DLGAP1: variants seen among roughly 807,000 people sequenced by gnomAD.
The protein encoded by DLGAP1 is DLG associated protein 1, also known as disks large-associated protein 1.
In DLGAP1, 11 loss-of-function variants were observed where a neutral mutation model predicts 90.8. The observed-to-expected ratio is 0.12, with a 90% confidence interval of 0.08 to 0.20. DLGAP1 has a LOEUF of 0.20. DLGAP1 is among the 10% of genes least tolerant of loss of function. DLGAP1 has a pLI of 1.00. For synonymous variants in DLGAP1, 558 were observed against 540.7 expected, an observed-to-expected ratio of 1.03 and a Z score of -0.44; for missense variants, 1,050 against 1,333.8, an observed-to-expected ratio of 0.79 and a Z score of 3.31.
chr18:4,425,429 C>A (rs1004360437), intron 1 of DLGAP1, among the ~76,000 whole-genome samples: 11 of 152,232 alleles, frequency 7.2e-5, no homozygotes, highest in African/African-American at 2.6e-4. Flanking sequence ...CAGGGACTGG[C>A]GTAGTGGTAC....
At chr18:4,108,674 T>C (rs1160845499) in intron 2 of DLGAP1, among the ~76,000 whole-genome samples, 1 of 152,238 alleles carries the variant, frequency 6.6e-6, no homozygotes, top group Admixed American at 6.5e-5. Context: ...GATTTCATCA[T>C]GTGATATAAC....
chr18:4,008,910 CTCTT>C (rs768070134), intron 2 of DLGAP1, among the ~76,000 whole-genome samples: 8 of 151,414 alleles, frequency 5.3e-5, no homozygotes, highest in South Asian at 2.1e-4. Flanking sequence ...CCGAGTCTCT[CTCTT>C]TGTTTTTGAA....
At chr18:3,664,940 A>C (rs2059823973) in intron 7 of DLGAP1, among the ~76,000 whole-genome samples, 1 of 152,170 alleles carries the variant, frequency 6.6e-6, no homozygotes, top group South Asian at 2.1e-4. Context: ...GTTCTCAGCC[A>C]TTGTAACTGG....
intron 1 of DLGAP1, among the ~76,000 whole-genome samples, chr18:4,340,943 A>G (rs573999325): frequency 6.6e-6 from 1 of 152,294 alleles, no homozygotes; most frequent in African/African-American, 2.4e-5. Flanking sequence ...AAAATTATAT[A>G]AGGAAAATTC....
intron 1 of DLGAP1, among the ~76,000 whole-genome samples, chr18:4,364,624 C>G (rs1456892646): frequency 3.3e-5 from 5 of 151,880 alleles, no homozygotes; most frequent in Admixed American, 6.6e-5. Context: ...ATTTGTTGAT[C>G]TTTTGAATGG....
At chr18:4,306,460 T>TGAGA (rs1430698648) in intron 1 of DLGAP1, among the ~76,000 whole-genome samples, 3 of 51,502 alleles carry the variant, frequency 5.8e-5, no homozygotes, top group African/African-American at 2.1e-4. Flanking sequence ...TGTGTGTGTG[T>TGAGA]GTGAGAGAGA....
Position 3,711,854 on chromosome 18 carries a change from G to T in DLGAP1, c.1591+17281C>A, listed in dbSNP as rs1029923697. 5.3e-5 allele frequency among the ~76,000 whole-genome samples: 8 copies of T among 151,682 alleles called. No homozygotes were observed. The highest frequency in any genetic ancestry group is 2.1e-4 in the South Asian group (1 of 4,816). On this transcript the variant is annotated intron_variant, in intron 7 of 12. Coordinates refer to ENST00000315677, the MANE Select transcript of DLGAP1 (RefSeq NM_004746.4). The surrounding 1 kb of genome is among the most constrained non-coding windows in gnomAD (Gnocchi z 4.0). ...ACCTTGTCTCAAAAAGAAAGAAAAAGAAAAAAATAAAAAAAGGAAGACAGA... is the reference window on the plus strand; with the variant it reads ...ACCTTGTCTCAAAAAGAAAGAAAAATAAAAAAATAAAAAAAGGAAGACAGA...
chr18:3,870,523 T>C (rs1381284381), intron 4 of DLGAP1, among the ~76,000 whole-genome samples: 2 of 152,162 alleles, frequency 1.3e-5, no homozygotes, highest in African/African-American at 4.8e-5. Flanking sequence ...GTTGCTCCCA[T>C]TTAATATATT....
At chr18:3,750,988 C>G (rs953351293) in intron 5 of DLGAP1, among the ~76,000 whole-genome samples, 2 of 152,198 alleles carry the variant, frequency 1.3e-5, no homozygotes, top group African/African-American at 4.8e-5. Flanking sequence ...TTATACTTCT[C>G]TGTTACACAC....
At chr18:3,649,330 G>C (rs1260895788) in intron 7 of DLGAP1, among the ~76,000 whole-genome samples, 1 of 152,204 alleles carries the variant, frequency 6.6e-6, no homozygotes, top group Non-Finnish European at 1.5e-5. Context: ...AGATGCCACA[G>C]GTCCCAGAAA....
intron 3 of DLGAP1, chr18:3,983,287 G>C (rs2073775612): frequency 6.6e-6 from 1 of 152,086 alleles, no homozygotes; most frequent in Non-Finnish European, 1.5e-5. Context: ...AATTATGCCA[G>C]GTACTTATAT....
intron 2 of DLGAP1, among the ~76,000 whole-genome samples, chr18:4,031,210 T>C (rs185800724): frequency 3.7e-4 from 57 of 152,214 alleles, no homozygotes; most frequent in Middle Eastern, 6.8e-3. Flanking sequence ...ATTTTTTTTC[T>C]GCTGGTGGAG....
At chr18:4,039,138 A>T (rs1436972439) in intron 2 of DLGAP1, among the ~76,000 whole-genome samples, 2 of 152,186 alleles carry the variant, frequency 1.3e-5, no homozygotes, top group Non-Finnish European at 2.9e-5. Context: ...TTTTAGAAAT[A>T]TTTTTTTCAT....
chr18:3,664,183 T>C (rs991236698), intron 7 of DLGAP1, among the ~76,000 whole-genome samples: 9 of 135,662 alleles, frequency 6.6e-5, no homozygotes, highest in East Asian at 4.2e-4. Flanking sequence ...TGGGTCAGTA[T>C]ACACACACAC....
chr18:3,740,778 C>G (rs1448328179), intron 6 of DLGAP1, among the ~76,000 whole-genome samples: 1 of 151,404 alleles, frequency 6.6e-6, no homozygotes, highest in Non-Finnish European at 1.5e-5. Flanking sequence ...ACTATCACCA[C>G]AATCACAACC....
intron 2 of DLGAP1, among the ~76,000 whole-genome samples, chr18:4,139,736 T>A (rs940459420): frequency 6.6e-6 from 1 of 151,972 alleles, no homozygotes; most frequent in Admixed American, 6.6e-5. Flanking sequence ...CAGTTATTAT[T>A]TTATTGGATT....
intron 1 of DLGAP1, chr18:4,248,421 A>G (rs1056233216): frequency 6.6e-5 from 10 of 152,070 alleles, no homozygotes; most frequent in Non-Finnish European, 1.3e-4. Flanking sequence ...TTTCTTCTTT[A>G]TTATTTTCCA....
intron 2 of DLGAP1, among the ~76,000 whole-genome samples, chr18:4,127,241 T>G (rs2076246035): frequency 6.6e-6 from 1 of 152,130 alleles, no homozygotes; most frequent in Non-Finnish European, 1.5e-5. Context: ...CAAAGTAGGG[T>G]GTGGTACCGG....
intron 1 of DLGAP1, among the ~76,000 whole-genome samples, chr18:4,427,793 G>A (rs567574554): frequency 1.4e-4 from 21 of 152,276 alleles, no homozygotes; most frequent in South Asian, 6.2e-4. Context: ...AGATAAATGT[G>A]GTTGCCAAAT....
Sources: gnomAD v4.1 joint callset for allele counts (sites outside exome capture counted in the v4.1 genomes callset) on GRCh38, gnomAD v4.1.1 for gene constraint, Gnocchi (gnomAD v3.1) non-coding constraint, MANE v1.5 for transcripts, NCBI Gene and HGNC (gene_info 2026-07-23, HGNC 2026-07-21) for gene names.